DIP2A: variants seen among roughly 807,000 people sequenced by gnomAD.
DIP2A encodes DIP2 acetate--CoA ligase A, also known as disco-interacting protein 2 homolog A.
Under a neutral mutation model 177.4 loss-of-function variants are expected in DIP2A, and 85 were observed. The observed-to-expected ratio is 0.48, with a 90% CI of 0.40 to 0.57. DIP2A has a LOEUF of 0.57. Among genes scored for constraint, DIP2A ranks in the 20% least tolerant of loss-of-function variants. The pLI is 0.00. For missense variants in DIP2A, 1,791 were observed against 2,100.2 expected, an observed-to-expected ratio of 0.85 and a Z score of 2.88; for synonymous variants, 886 against 881.8, an observed-to-expected ratio of 1.00 and a Z score of -0.08.
rs368547577 is a variant in DIP2A at position 46,556,949 on chromosome 21, C to T, written c.3509C>T (p.Ala1170Val). The T allele has an allele frequency of 3.1e-5, 49 of 1,566,630 alleles. No individual in the cohort carries two copies. Among genetic ancestry groups the T allele is most frequent in the South Asian group, 1.4e-4 (12 of 86,504 alleles). The part of the protein sequence containing the change: ...GILAGVKMSH[A>V]ATSALCRSIK... Reference sequence around the variant, plus strand: ...TATTTTACTCTTAAGATGTCGCACGCGGCCACAAGCGCCTTATGCCGCTCC... The same window carrying T: ...TATTTTACTCTTAAGATGTCGCACGTGGCCACAAGCGCCTTATGCCGCTCC... Residue 1170 changes from alanine (A) to valine (V), a missense_variant, in exon 30 of 38, where the codon GCG (alanine) becomes GTG (valine). Transcript: ENST00000417564. The surrounding 1 kb of genome is among the most constrained non-coding windows in gnomAD (Gnocchi z 4.5).
In DIP2A at chr21:46,556,166, G is replaced by C; in HGVS notation, c.3498+75G>C. On this transcript the variant is annotated intron_variant, in intron 29 of 37. Transcript: ENST00000417564. The surrounding 1 kb of genome is among the most constrained non-coding windows in gnomAD (Gnocchi z 4.5). ...GTGGACAGAAAGGATGTCAGATGCA[G>C]ATTTAAACTGACAGGTCCTTCTTAT... 6.9e-7 allele frequency: 1 copy of C among 1,445,522 alleles called. No homozygotes were observed. The highest frequency in any genetic ancestry group is 9.7e-7 in the Non-Finnish European group (1 of 1,032,124). The allele number at this position is 1,445,522 out of a possible 1,614,324, so 89.5% of individuals were successfully genotyped here.
chr21:46,467,981 G>A (rs1229574546), intron 1 of DIP2A, among the ~76,000 whole-genome samples: 2 of 151,852 alleles, frequency 1.3e-5, no homozygotes, highest in East Asian at 3.9e-4. Context: ...ATGAAAATTA[G>A]GGCTGGGTGC....
rs1028507915 is a variant in DIP2A at position 46,546,798 on chromosome 21, G to A, written c.2395-117G>A. ...GGGTCTGTGGGGCATTGACCCGTTT[G>A]CAAGGCGCTAGAGGCTCCTGTGCTG... On this transcript the variant is annotated intron_variant, in intron 20 of 37. Coordinates refer to ENST00000417564, the MANE Select transcript of DIP2A (RefSeq NM_015151.4). The A allele has an allele frequency of 3.3e-6, 4 of 1,205,814 alleles. No homozygotes were observed. The South Asian group carries it at 4.6e-5, about 14-fold the overall frequency. 74.7% of individuals were successfully genotyped at this position (1,205,814 alleles called of 1,614,324 possible).
intron 35 of DIP2A, among the ~76,000 whole-genome samples, 152 bp from the exon 36 acceptor site, chr21:46,565,561 T>A (rs2060810389): frequency 6.6e-6 from 1 of 152,242 alleles, no homozygotes; most frequent in Non-Finnish European, 1.5e-5. Context: ...GTAATTTAAC[T>A]TAGTTCATAA....
chr21:46,529,977 TAAATA>T (rs535151377), intron 9 of DIP2A, among the ~76,000 whole-genome samples: 98 of 152,304 alleles, frequency 6.4e-4, no homozygotes, highest in South Asian at 1.4e-3. Context: ...TAACCAAAAT[TAAATA>T]AAATAAAAAA....
rs2060493139 is a variant in DIP2A at position 46,557,003 on chromosome 21, CG to C, written c.3564del (p.Arg1189GlyfsTer62). 1 of 1,600,208 alleles carries C rather than the reference CG, an allele frequency of 6.2e-7. No individual in the cohort carries two copies. The highest frequency in any genetic ancestry group is 2.3e-5 in the East Asian group (1 of 44,428). On this transcript the variant is annotated frameshift_variant, in exon 30 of 38. Transcript: ENST00000417564. LOFTEE classifies it high-confidence loss of function. The surrounding 1 kb of genome is among the most constrained non-coding windows in gnomAD (Gnocchi z 6.0). Reference sequence around the variant, plus strand: ...AAGCTGCAGTGTGAGCTGTACCCCTCGCGGCAGATCGCCATCTGCCTCGACC... The same window carrying C: ...AAGCTGCAGTGTGAGCTGTACCCCTCCGGCAGATCGCCATCTGCCTCGACC... ...SIKLQCELYP[S>X]RQIAICLDPY...
chr21:46,546,113 T>G (rs1841883899), intron 20 of DIP2A, 152 bp downstream of exon 20: 9 of 1,485,642 alleles, frequency 6.1e-6, no homozygotes, highest in Non-Finnish European at 3.6e-6. Context: ...CCCATCACCC[T>G]ACCTGTGTGC....
chr21:46,543,073 A>G (rs562132932), intron 18 of DIP2A, among the ~76,000 whole-genome samples: 1 of 152,278 alleles, frequency 6.6e-6, no homozygotes, highest in African/African-American at 2.4e-5. Context: ...TCTACTTGTT[A>G]CTCATACAAA....
chr21:46,463,948 T>A (rs1395789589), intron 1 of DIP2A, among the ~76,000 whole-genome samples: 1 of 151,606 alleles, frequency 6.6e-6, no homozygotes, highest in African/African-American at 2.4e-5. Context: ...GACCTCGTGA[T>A]CCACCTGCCT....
At chr21:46,574,243 A>T (rs1345785994), downstream of DIP2A, among the ~76,000 whole-genome samples, 4 of 152,198 alleles carry the variant, frequency 2.6e-5, no homozygotes, top group African/African-American at 9.6e-5. Flanking sequence ...CTTTCAAACA[A>T]CCAATGGATC....
chr21:46,459,466 T>C (rs1330674365), intron 1 of DIP2A, among the ~76,000 whole-genome samples: 4 of 140,156 alleles, frequency 2.9e-5, no homozygotes, highest in Non-Finnish European at 6.2e-5. Flanking sequence ...GCCCCTCATG[T>C]GGGACCCCAG....
Position 46,490,664 on chromosome 21 carries a change from A to G in DIP2A, c.228A>G (p.Ala76=). The change falls in exon 3 of 38, where the codon GCA becomes GCG. Residue 76 remains alanine (A), a synonymous_variant. Coordinates refer to ENST00000417564, the MANE Select transcript of DIP2A (RefSeq NM_015151.4). ...IPGPSQTTAA[A]PKQQKSRPTA... is the part of the protein sequence containing the mutation. ...GGCCCTCACAAACCACGGCCGCTGC[A>G]CCCAAGCAGCAGAAGTCTCGGCCCA... 6.3e-7 allele frequency: 1 copy of G among 1,590,480 alleles called. No homozygotes were observed. The highest frequency in any genetic ancestry group is 8.6e-7 in the Non-Finnish European group (1 of 1,168,422).
At chr21:46,492,027 C>T (rs2057042477) in intron 3 of DIP2A, among the ~76,000 whole-genome samples, 1 of 152,018 alleles carries the variant, frequency 6.6e-6, no homozygotes, top group African/African-American at 2.4e-5. Context: ...TGCTTTTGTT[C>T]TTGTGTTTAA....
rs564615758 is a variant in DIP2A, at chr21:46,463,496, G to T, written c.91+4274G>T. 3.0e-3 allele frequency among the ~76,000 whole-genome samples: 451 copies of T among 152,238 alleles called. 3 individuals are homozygous for T. Among genetic ancestry groups the T allele is most frequent in the Non-Finnish European group, 4.2e-3 (288 of 68,008 alleles). On this transcript the variant is annotated intron_variant, in intron 1 of 37. Transcript: ENST00000417564. The stretch of plus-strand genomic sequence containing the variant: ...CCAATTACTTTATTCTGGTTAATAG[G>T]TCTATTCCATAGCTTTAACTTTAGT...
intron 21 of DIP2A, among the ~76,000 whole-genome samples, chr21:46,548,181 CGTGTGT>C (rs151337762): frequency 1.6e-4 from 23 of 147,586 alleles, no homozygotes; most frequent in African/African-American, 3.2e-4. Context: ...TGCATGTGTG[CGTGTGT>C]GTGTGTGTGT....
At chr21:46,465,882 T>C (rs963806280) in intron 1 of DIP2A, among the ~76,000 whole-genome samples, 5 of 152,206 alleles carry the variant, frequency 3.3e-5, no homozygotes, top group African/African-American at 1.2e-4. Context: ...GCGAACTAGC[T>C]GCTTTTATTG....
intron 5 of DIP2A, among the ~76,000 whole-genome samples, chr21:46,503,502 C>G (rs1455913847): frequency 6.6e-6 from 1 of 151,712 alleles, no homozygotes; most frequent in African/African-American, 2.4e-5. Flanking sequence ...CTGTTTTTTT[C>G]ATAATGTAAC....
At chr21:46,570,174 G>A (rs1282783470), downstream of DIP2A, among the ~76,000 whole-genome samples, 1 of 152,136 alleles carries the variant, frequency 6.6e-6, no homozygotes, top group East Asian at 1.9e-4. Context: ...TTACTGCCTT[G>A]GGCTCAGTTC....
chr21:46,543,182 C>G (rs1304417456), intron 18 of DIP2A, among the ~76,000 whole-genome samples: 1 of 151,604 alleles, frequency 6.6e-6, no homozygotes, highest in Non-Finnish European at 1.5e-5. Flanking sequence ...AGAAATAGAA[C>G]AGTCAGTCTT....
Sources: allele counts gnomAD v4.1 joint callset (sites outside exome capture counted in the v4.1 genomes callset), GRCh38; gene constraint gnomAD v4.1.1; non-coding constraint Gnocchi (gnomAD v3.1); transcripts MANE v1.5; gene names NCBI Gene and HGNC (gene_info 2026-07-23, HGNC 2026-07-21).